TNR: variants seen among roughly 807,000 people sequenced by gnomAD.
TNR encodes tenascin-R.
TNR carries 45 observed loss-of-function variants against 150.4 expected under a neutral mutation model. That is an observed-to-expected ratio of 0.30 (90% CI 0.24 to 0.38). The LOEUF is 0.38. TNR is among the 10% of genes least tolerant of loss of function. The pLI is 1.00. For synonymous variants in TNR, 687 were observed against 678.4 expected (o/e 1.01, Z -0.20); for missense variants, 1,544 against 1,759.1 (o/e 0.88, Z 2.19).
At chr1:175,679,178 A>G (rs1425117693) in intron 1 of TNR, among the ~76,000 whole-genome samples, 5 of 152,246 alleles carry the variant, frequency 3.3e-5, no homozygotes, top group African/African-American at 9.6e-5. Context: ...GCTTTTTGCA[A>G]TCTTGCTTGG....
intron 2 of TNR, among the ~76,000 whole-genome samples, chr1:175,517,039 GAGAGAGAGAGAGAGAGAGAA>G (rs1426949543): frequency 3.4e-5 from 5 of 148,764 alleles, no homozygotes; most frequent in South Asian, 2.1e-4. Context: ...GAGAGAGAGA[GAGAGAGAGAGAGAGAGAGAA>G]AGAGAGAGAG....
At chr1:175,727,129 G>A (rs184058937) in intron 1 of TNR, among the ~76,000 whole-genome samples, 2 of 152,204 alleles carry the variant, frequency 1.3e-5, no homozygotes, top group Non-Finnish European at 2.9e-5. Context: ...CTACGACCTT[G>A]CTGGTTGACC....
chr1:175,669,482 A>G (rs1232141102), intron 1 of TNR, among the ~76,000 whole-genome samples: 3 of 152,234 alleles, frequency 2.0e-5, no homozygotes, highest in African/African-American at 7.2e-5. Flanking sequence ...ACAGAGCGCC[A>G]TTGCACCAAG....
chr1:175,394,359 A>G (rs1653322681), intron 5 of TNR, among the ~76,000 whole-genome samples: 1 of 152,214 alleles, frequency 6.6e-6, no homozygotes, highest in South Asian at 2.1e-4. Flanking sequence ...GCACAGAGAA[A>G]GCTGGCTAAA....
chr1:175,455,349 G>A (rs1199625761), intron 2 of TNR, among the ~76,000 whole-genome samples: 1 of 152,190 alleles, frequency 6.6e-6, no homozygotes, highest in Admixed American at 6.5e-5. Context: ...GAACAAGGCC[G>A]ATACAATATT....
chr1:175,636,844 A>G (rs1664505355), intron 1 of TNR, among the ~76,000 whole-genome samples: 1 of 152,248 alleles, frequency 6.6e-6, no homozygotes, highest in Non-Finnish European at 1.5e-5. Context: ...AGAGTCTTGA[A>G]AAAAGAATGA....
At chr1:175,663,476 G>A (rs1183478511) in intron 1 of TNR, among the ~76,000 whole-genome samples, 1 of 152,166 alleles carries the variant, frequency 6.6e-6, no homozygotes, top group African/African-American at 2.4e-5. Flanking sequence ...GTAGAGGATG[G>A]GGATAAATGG....
At chr1:175,493,312 A>T (rs1265658948) in intron 2 of TNR, among the ~76,000 whole-genome samples, 2 of 152,246 alleles carry the variant, frequency 1.3e-5, no homozygotes, top group African/African-American at 4.8e-5. Flanking sequence ...AAGGTGAAAA[A>T]GTAAACCAAG....
chr1:175,594,024 A>G (rs1346113213), intron 1 of TNR, among the ~76,000 whole-genome samples: 1 of 152,146 alleles, frequency 6.6e-6, no homozygotes, highest in Non-Finnish European at 1.5e-5. Context: ...CTCTTTTCAC[A>G]CATCTCCCCT....
At chr1:175,591,259 G>C (rs1662785440) in intron 1 of TNR, among the ~76,000 whole-genome samples, 1 of 152,176 alleles carries the variant, frequency 6.6e-6, no homozygotes, top group Non-Finnish European at 1.5e-5. Context: ...ATGGCAGCCA[G>C]GGCTCTGTGT....
At chr1:175,424,129 T>A (rs995085165) in intron 2 of TNR, among the ~76,000 whole-genome samples, 1 of 152,234 alleles carries the variant, frequency 6.6e-6, no homozygotes, top group Non-Finnish European at 1.5e-5. Flanking sequence ...CTGTGTTAAT[T>A]TCCATAATTG....
chr1:175,428,014 T>C (rs755187253), intron 2 of TNR, among the ~76,000 whole-genome samples: 6 of 152,094 alleles, frequency 3.9e-5, no homozygotes, highest in Non-Finnish European at 7.3e-5. Flanking sequence ...TCTAGATTTT[T>C]AGATAAAAAT....
At chr1:175,630,397 C>G (rs1460616467) in intron 1 of TNR, among the ~76,000 whole-genome samples, 1 of 152,162 alleles carries the variant, frequency 6.6e-6, no homozygotes, top group East Asian at 1.9e-4. Context: ...AAGTTGAAAA[C>G]AATTATGTTG....
chr1:175,611,774 T>A (rs868098105), intron 1 of TNR, among the ~76,000 whole-genome samples: 1 of 152,048 alleles, frequency 6.6e-6, no homozygotes, highest in African/African-American at 2.4e-5. Context: ...CACTGGAAAC[T>A]CACAGACGCA....
intron 2 of TNR, among the ~76,000 whole-genome samples, chr1:175,490,705 A>C (rs1473203470): frequency 6.6e-6 from 1 of 152,220 alleles, no homozygotes; most frequent in Non-Finnish European, 1.5e-5. Context: ...CTATTATTAA[A>C]AACTAAAAAA....
chr1:175,627,144 GT>G (rs1459513307), intron 1 of TNR, among the ~76,000 whole-genome samples: 2 of 152,196 alleles, frequency 1.3e-5, no homozygotes, highest in African/African-American at 2.4e-5. Flanking sequence ...TCATACACTT[GT>G]TAATCTAAAC....
At chr1:175,359,764 G>T in intron 14 of TNR, 33 bp from the exon 15 acceptor site, 1 of 1,580,048 alleles carries the variant, frequency 6.3e-7, no homozygotes, top group South Asian at 1.2e-5. Context: ...TTACAGATAA[G>T]AGGAGCTGCA....
intron 2 of TNR, among the ~76,000 whole-genome samples, chr1:175,511,585 C>T (rs150814935): frequency 6.6e-6 from 1 of 152,192 alleles, no homozygotes; most frequent in South Asian, 2.1e-4. Flanking sequence ...AAGTAACATT[C>T]CTGACTCTCA....
At chr1:175,486,376 T>C (rs144275647) in intron 2 of TNR, among the ~76,000 whole-genome samples, 60 of 151,900 alleles carry the variant, frequency 3.9e-4, no homozygotes, top group African/African-American at 1.4e-3. Flanking sequence ...ACATGCGGTG[T>C]TTGGTTTTCT....
Sources: gnomAD v4.1 joint callset for allele counts (sites outside exome capture counted in the v4.1 genomes callset) on GRCh38, gnomAD v4.1.1 for gene constraint, MANE v1.5 for transcripts, NCBI Gene and HGNC (gene_info 2026-07-23, HGNC 2026-07-21) for gene names.